Variants in AGK observed in about 807,000 individuals in gnomAD.
AGK encodes acylglycerol kinase.
Under a neutral mutation model 66.4 loss-of-function variants are expected in AGK, and 52 were observed. The ratio of observed to expected loss-of-function variants is 0.78; its 90% CI spans 0.63 to 0.99. The LOEUF (loss-of-function observed/expected upper bound fraction) is 0.99, where lower values mean the gene tolerates loss of function less well. Ranked by LOEUF, AGK falls within the 50% of genes least tolerant of loss-of-function variation. The pLI is 0.00. For synonymous variants in AGK, 182 were observed against 181.1 expected, an observed-to-expected ratio of 1.00 and a Z score of -0.04; for missense variants, 451 against 506.6, an observed-to-expected ratio of 0.89 and a Z score of 1.05.
At chr7:141,588,353 C>T (rs1362940269) in intron 2 of AGK, among the ~76,000 whole-genome samples, 2 of 152,122 alleles carry the variant, frequency 1.3e-5, no homozygotes, top group Non-Finnish European at 2.9e-5. Context: ...GTAGGCCAGG[C>T]ACAGTGGCCA....
chr7:141,604,835 G>A (rs1479386409), intron 5 of AGK, among the ~76,000 whole-genome samples: 8 of 151,852 alleles, frequency 5.3e-5, no homozygotes. Context: ...GCCTGCCTCG[G>A]CCTCCAATTG....
chr7:141,623,757 T>C (rs1796876791), intron 9 of AGK, among the ~76,000 whole-genome samples: 1 of 152,170 alleles, frequency 6.6e-6, no homozygotes, highest in East Asian at 1.9e-4. Flanking sequence ...AGGTTTTCTA[T>C]ATAGACAAAA....
At chr7:141,621,688 G>C in intron 8 of AGK, 44 bp from the exon 9 acceptor site, 1 of 1,355,140 alleles carries the variant, frequency 7.4e-7, no homozygotes, top group Non-Finnish European at 1.1e-6. Flanking sequence ...TGGGGGAGAT[G>C]TTGCCTATTT....
chr7:141,627,822 T>C (rs1453456104), intron 9 of AGK, among the ~76,000 whole-genome samples: 1 of 152,236 alleles, frequency 6.6e-6, no homozygotes, highest in Non-Finnish European at 1.5e-5. Flanking sequence ...TTCTTATATA[T>C]GTGTTAGAAG....
chr7:141,579,830 G>T (rs969958521), intron 2 of AGK, among the ~76,000 whole-genome samples: 6 of 152,020 alleles, frequency 3.9e-5, no homozygotes, highest in Admixed American at 3.3e-4. Context: ...CTTGGTCTAA[G>T]AACCATTTGC....
At chr7:141,616,849 C>G (rs1796714883) in intron 8 of AGK, among the ~76,000 whole-genome samples, 1 of 151,356 alleles carries the variant, frequency 6.6e-6, no homozygotes, top group African/African-American at 2.4e-5. Flanking sequence ...AGCTCCGTCT[C>G]CCAGGTTCAC....
At chr7:141,640,876 G>A (rs138665431) in intron 11 of AGK, among the ~76,000 whole-genome samples, 256 of 152,282 alleles carry the variant, frequency 1.7e-3, no homozygotes, top group African/African-American at 5.6e-3. Context: ...AGTGAGGTAG[G>A]TACTTGATGC....
intron 8 of AGK, 155 bp downstream of exon 8, chr7:141,615,720 T>A: frequency 1.5e-6 from 1 of 648,688 alleles, no homozygotes; most frequent in Non-Finnish European, 2.7e-6. Flanking sequence ...TTCAGTTCAT[T>A]GGGAAGTCTC....
intron 10 of AGK, among the ~76,000 whole-genome samples, chr7:141,636,430 C>T (rs903237781): frequency 6.6e-6 from 1 of 152,062 alleles, no homozygotes; most frequent in Admixed American, 6.6e-5. Context: ...CCACAAAATT[C>T]CAAAAAGCAA....
At chr7:141,586,851 T>C (rs1796003850) in intron 2 of AGK, among the ~76,000 whole-genome samples, 1 of 152,188 alleles carries the variant, frequency 6.6e-6, no homozygotes, top group Admixed American at 6.5e-5. Flanking sequence ...TTGAGATTCA[T>C]TTGGTATTCT....
chr7:141,641,661 CTA>C (rs1389171424), intron 12 of AGK, 148 bp from the exon 13 acceptor site: 4 of 723,306 alleles, frequency 5.5e-6, no homozygotes, highest in Non-Finnish European at 9.1e-6. Context: ...ATTTTTACCT[CTA>C]TGTATAAGAA....
intron 2 of AGK, among the ~76,000 whole-genome samples, chr7:141,590,829 T>A (rs750029636): frequency 6.6e-5 from 10 of 152,116 alleles, no homozygotes; most frequent in Non-Finnish European, 1.5e-4. Context: ...AACATGAATA[T>A]GTGTTATTTC....
At chr7:141,621,276 A>C (rs542521539) in intron 8 of AGK, among the ~76,000 whole-genome samples, 4 of 152,318 alleles carry the variant, frequency 2.6e-5, no homozygotes, top group Admixed American at 2.6e-4. Context: ...AAATAAGAGA[A>C]ATATGTCTCA....
At chr7:141,604,078 A>G (rs991411544) in intron 5 of AGK, among the ~76,000 whole-genome samples, 3 of 152,068 alleles carry the variant, frequency 2.0e-5, no homozygotes, top group Admixed American at 6.6e-5. Context: ...TATGTACATT[A>G]CATATACAGA....
intron 8 of AGK, among the ~76,000 whole-genome samples, chr7:141,621,347 T>C (rs1796819538): frequency 6.6e-6 from 1 of 152,256 alleles, no homozygotes; most frequent in African/African-American, 2.4e-5. Flanking sequence ...GTTACTCTTC[T>C]GGCTGTTAGA....
chr7:141,590,533 G>A (rs746171496), intron 2 of AGK, among the ~76,000 whole-genome samples: 35 of 152,304 alleles, frequency 2.3e-4, no homozygotes, highest in Non-Finnish European at 4.6e-4. Context: ...CACAGTCCAG[G>A]GGGAGGGTCA....
At chr7:141,641,724 G>A (rs1332989169) in intron 12 of AGK, 87 bp from the exon 13 acceptor site, 1 of 1,096,194 alleles carries the variant, frequency 9.1e-7, no homozygotes, top group Non-Finnish European at 1.4e-6. Context: ...TTGAGAAGCT[G>A]AGCTGAGCAG....
At chr7:141,627,856 A>T (rs140406355) in intron 9 of AGK, among the ~76,000 whole-genome samples, 204 of 152,258 alleles carry the variant, frequency 1.3e-3, no homozygotes, top group African/African-American at 4.7e-3. Context: ...AGTATCTGAG[A>T]TTTAACTGGA....
chr7:141,632,866 TTGATTCTCCTAGAAATTTCTC>T (rs1797088568), intron 9 of AGK, among the ~76,000 whole-genome samples: 1 of 152,232 alleles, frequency 6.6e-6, no homozygotes, highest in African/African-American at 2.4e-5. Flanking sequence ...TTTATTGTGT[TTGATTCTCCTAGAAATTTCTC>T]TGATTCTCCT....
Sources: gnomAD v4.1 joint callset for allele counts (sites outside exome capture counted in the v4.1 genomes callset) on GRCh38, gnomAD v4.1.1 for gene constraint, MANE v1.5 for transcripts, NCBI Gene and HGNC (gene_info 2026-07-23, HGNC 2026-07-21) for gene names.